PHF24: variants seen among roughly 807,000 people sequenced by gnomAD.
The protein encoded by PHF24 is PHD finger protein 24.
PHF24 carries 25 observed loss-of-function variants against 42.6 expected under a neutral mutation model. The ratio of observed to expected loss-of-function variants is 0.59; its 90% CI spans 0.43 to 0.82. The LOEUF is 0.82. PHF24 is among the 40% of genes least tolerant of loss of function. The probability of loss-of-function intolerance (pLI) is 0.00; values close to 1 mark genes in which losing one functional copy is unlikely to be tolerated. For synonymous variants in PHF24, 185 were observed against 204.8 expected (o/e 0.90, Z 0.83); for missense variants, 470 against 538.1 (o/e 0.87, Z 1.25).
the PHF24 span, among the ~76,000 whole-genome samples, chr9:34,755,337 C>A: frequency 6.6e-5 from 10 of 152,062 alleles, no homozygotes; most frequent in African/African-American, 2.4e-4. Flanking sequence ...TATACACTTA[C>A]AATGTACCCA....
the PHF24 span, among the ~76,000 whole-genome samples, chr9:34,756,988 C>A: frequency 6.6e-6 from 1 of 152,106 alleles, no homozygotes; most frequent in Non-Finnish European, 1.5e-5. Context: ...TCACTGCAAC[C>A]TCAACCCCCA....
the PHF24 span, among the ~76,000 whole-genome samples, chr9:34,822,951 C>T: frequency 6.6e-6 from 1 of 151,110 alleles, no homozygotes; most frequent in South Asian, 2.1e-4. Context: ...AGTCCCAGCA[C>T]TTTGGGAGGC....
the PHF24 span, among the ~76,000 whole-genome samples, chr9:34,817,202 G>A: frequency 6.6e-6 from 1 of 152,034 alleles, no homozygotes; most frequent in South Asian, 2.1e-4. Flanking sequence ...TAATGCAGAG[G>A]CTCTTTATAT....
At chr9:34,783,667 A>G in the PHF24 span, among the ~76,000 whole-genome samples, 1 of 152,224 alleles carries the variant, frequency 6.6e-6, no homozygotes, top group Non-Finnish European at 1.5e-5. Flanking sequence ...CTTATCAATA[A>G]GTTGTTCTGG....
At chr9:34,747,181 G>C in the PHF24 span, among the ~76,000 whole-genome samples, 2 of 152,106 alleles carry the variant, frequency 1.3e-5, no homozygotes, top group Non-Finnish European at 2.9e-5. Context: ...ACTGTGGGTT[G>C]GGGGGTGGGG....
the PHF24 span, among the ~76,000 whole-genome samples, chr9:34,706,842 A>T: frequency 6.6e-6 from 1 of 152,006 alleles, no homozygotes; most frequent in East Asian, 1.9e-4. Flanking sequence ...ACCAGGGGAA[A>T]ATGCCGGGCA....
chr9:34,789,588 A>T, the PHF24 span, among the ~76,000 whole-genome samples: 1 of 152,192 alleles, frequency 6.6e-6, no homozygotes, highest in African/African-American at 2.4e-5. Flanking sequence ...AGGAACTCAT[A>T]GGATGGTATG....
chr9:34,731,091 C>A, the PHF24 span, among the ~76,000 whole-genome samples: 2 of 152,118 alleles, frequency 1.3e-5, no homozygotes, highest in African/African-American at 4.8e-5. Flanking sequence ...CCTGTCTCCT[C>A]CTATTTTTCT....
At chr9:34,918,292 A>T in the PHF24 span, 2 of 1,176,282 alleles carry the variant, frequency 1.7e-6, no homozygotes, top group Non-Finnish European at 2.6e-6. Flanking sequence ...CAGTACAAAA[A>T]CTAAGTGGAC....
At chr9:34,976,067 G>C in intron 3 of PHF24, 85 bp from the exon 4 acceptor site, 1 of 931,026 alleles carries the variant, frequency 1.1e-6, no homozygotes, top group South Asian at 1.3e-5. Flanking sequence ...CTGCTTTCCA[G>C]TTGAAATTCT....
chr9:34,844,092 C>T, the PHF24 span, among the ~76,000 whole-genome samples: 2 of 152,004 alleles, frequency 1.3e-5, no homozygotes, highest in Admixed American at 1.3e-4. Context: ...AATAATTGTT[C>T]CTGGTAGGCT....
the PHF24 span, among the ~76,000 whole-genome samples, chr9:34,815,696 G>A: frequency 2.0e-5 from 3 of 152,232 alleles, no homozygotes; most frequent in Middle Eastern, 3.4e-3. Context: ...AAACATTTTG[G>A]GGTTTCTGTG....
chr9:34,948,298 T>C, the PHF24 span, among the ~76,000 whole-genome samples: 2 of 152,184 alleles, frequency 1.3e-5, no homozygotes, highest in African/African-American at 4.8e-5. Flanking sequence ...ATAATTTTTT[T>C]TGAAGAAAGA....
At chr9:34,809,046 A>T in the PHF24 span, among the ~76,000 whole-genome samples, 8 of 129,304 alleles carry the variant, frequency 6.2e-5, no homozygotes, top group East Asian at 6.0e-4. The surrounding 1 kb of genome is among the most constrained non-coding windows in gnomAD (Gnocchi z 4.1). Flanking sequence ...ATAAAAAAAA[A>T]AAATAATAAA....
chr9:34,893,937 A>G, the PHF24 span, among the ~76,000 whole-genome samples: 9 of 152,148 alleles, frequency 5.9e-5, no homozygotes, highest in East Asian at 1.7e-3. Context: ...TGATATACTC[A>G]ATATCTTTTG....
intron 1 of PHF24, among the ~76,000 whole-genome samples, chr9:34,970,225 C>G (rs1826926124): frequency 6.6e-6 from 1 of 152,302 alleles, no homozygotes; most frequent in Admixed American, 6.5e-5. Flanking sequence ...GCAATGTGCC[C>G]TGTCATGCCC....
At chr9:34,762,449 G>A in the PHF24 span, among the ~76,000 whole-genome samples, 3 of 151,622 alleles carry the variant, frequency 2.0e-5, no homozygotes, top group South Asian at 4.2e-4. Context: ...GATGGTCAGT[G>A]ATGGTGAGCA....
At chr9:34,971,268 C>G (rs1251404817) in intron 1 of PHF24, 27 bp from the exon 2 acceptor site, 3 of 1,565,864 alleles carry the variant, frequency 1.9e-6, no homozygotes. Flanking sequence ...TTGGCTGAAC[C>G]TGTGCCCCTC....
the PHF24 span, among the ~76,000 whole-genome samples, chr9:34,773,105 C>T: frequency 6.6e-6 from 1 of 152,072 alleles, no homozygotes; most frequent in Non-Finnish European, 1.5e-5. Context: ...ATTCTCCTGC[C>T]TCAGCCTCCC....
Sources: allele counts gnomAD v4.1 joint callset (sites outside exome capture counted in the v4.1 genomes callset), GRCh38; gene constraint gnomAD v4.1.1; non-coding constraint Gnocchi (gnomAD v3.1); transcripts MANE v1.5; gene names NCBI Gene and HGNC (gene_info 2026-07-23, HGNC 2026-07-21).